The following DENND1A variants were observed in gnomAD, a reference collection of about 807,000 sequenced individuals.
The protein encoded by DENND1A is DENN domain-containing protein 1A.
A neutral mutation model predicts 113.7 loss-of-function variants in DENND1A; 51 were observed. The observed-to-expected ratio is 0.45, with a 90% CI of 0.36 to 0.57. DENND1A has a LOEUF of 0.57. Ranked by LOEUF, DENND1A falls within the 20% of genes least tolerant of loss-of-function variation. The pLI, the probability that DENND1A is intolerant of heterozygous loss-of-function variation, is 0.00. For missense variants in DENND1A, 1,258 were observed against 1,395.9 expected (o/e 0.90, Z 1.57); for synonymous variants, 565 against 570.8 (o/e 0.99, Z 0.14).
chr9:123,594,029 C>G (rs901174581), intron 11 of DENND1A, among the ~76,000 whole-genome samples: 3 of 152,186 alleles, frequency 2.0e-5, no homozygotes, highest in Non-Finnish European at 2.9e-5. Context: ...TGCAAGTTTC[C>G]TGGGGCCTCC....
At chr9:123,697,403 C>T (rs978794675) in intron 5 of DENND1A, among the ~76,000 whole-genome samples, 7 of 152,080 alleles carry the variant, frequency 4.6e-5, no homozygotes, top group Non-Finnish European at 8.8e-5. Flanking sequence ...TTTTATTTTT[C>T]CATAAGTTAT....
intron 13 of DENND1A, among the ~76,000 whole-genome samples, chr9:123,540,411 G>C (rs958540752): frequency 6.6e-6 from 1 of 152,182 alleles, no homozygotes; most frequent in Non-Finnish European, 1.5e-5. Context: ...CTTTTCTTCA[G>C]TGCCTGCCAC....
intron 1 of DENND1A, among the ~76,000 whole-genome samples, chr9:123,916,140 G>A (rs894170889): frequency 6.6e-6 from 1 of 152,044 alleles, no homozygotes; most frequent in Non-Finnish European, 1.5e-5. Context: ...CTAAGTGCCC[G>A]TCAGTATGAG....
chr9:123,852,173 TTC>T (rs1171059834), intron 2 of DENND1A, among the ~76,000 whole-genome samples: 2 of 152,212 alleles, frequency 1.3e-5, no homozygotes, highest in East Asian at 3.8e-4. Context: ...AACAGTTAAC[TTC>T]TCTCTTTAGT....
chr9:123,591,623 G>C (rs2059459719), intron 11 of DENND1A, among the ~76,000 whole-genome samples: 2 of 152,208 alleles, frequency 1.3e-5, no homozygotes, highest in South Asian at 4.1e-4. Flanking sequence ...CATCTCCAGG[G>C]CAGAGCTGTG....
Position 123,433,527 on chromosome 9 carries a change from C to T in DENND1A, c.1488+6833G>A, listed in dbSNP as rs545853949. ...ACTTCACCCCACAGACTTCAGCCTG[C>T]CTCTCCTAGGAATAAAGATAAACCC... On this transcript the variant is annotated intron_variant, in intron 19 of 23. Transcript: ENST00000394215. Among the ~76,000 whole-genome samples, 4 of 152,324 alleles carry T rather than the reference C, an allele frequency of 2.6e-5. No individual in the cohort carries two copies. In the South Asian group the frequency reaches 8.3e-4, roughly 32 times the overall value.
intron 12 of DENND1A, among the ~76,000 whole-genome samples, chr9:123,567,790 T>C (rs994934427): frequency 5.9e-5 from 9 of 152,196 alleles, no homozygotes; most frequent in Non-Finnish European, 4.4e-5. Context: ...AAGATGAGCA[T>C]ATCACAGCAG....
At chr9:123,501,606 T>C (rs2052490997) in intron 13 of DENND1A, among the ~76,000 whole-genome samples, 1 of 152,330 alleles carries the variant, frequency 6.6e-6, no homozygotes, top group Non-Finnish European at 1.5e-5. Flanking sequence ...TCTGTGACGG[T>C]TAATACTGAG....
intron 1 of DENND1A, among the ~76,000 whole-genome samples, chr9:123,908,939 G>C (rs1367991935): frequency 6.6e-6 from 1 of 152,108 alleles, no homozygotes; most frequent in Non-Finnish European, 1.5e-5. Context: ...CAAAGACTTG[G>C]AACCAACCCA....
intron 8 of DENND1A, among the ~76,000 whole-genome samples, chr9:123,655,435 GAAAACCTGGCTCTGAGCCA>G: frequency 6.6e-6 from 1 of 152,136 alleles, no homozygotes; most frequent in Non-Finnish European, 1.5e-5. Context: ...TGTGACTCCA[GAAAACCTGGCTCTGAGCCA>G]GATGAAGCAA....
intron 13 of DENND1A, among the ~76,000 whole-genome samples, chr9:123,485,183 A>G (rs1217249972): frequency 1.3e-5 from 2 of 152,196 alleles, no homozygotes; most frequent in African/African-American, 4.8e-5. Flanking sequence ...TCTTGGGGAA[A>G]CATGTCTCTT....
intron 11 of DENND1A, among the ~76,000 whole-genome samples, chr9:123,600,198 A>G (rs2059881103): frequency 1.3e-5 from 2 of 152,248 alleles, no homozygotes; most frequent in South Asian, 4.1e-4. Context: ...AGGAGGGCAG[A>G]GTCAATCTTA....
At chr9:123,889,581 G>A (rs1448753481) in intron 1 of DENND1A, among the ~76,000 whole-genome samples, 1 of 152,094 alleles carries the variant, frequency 6.6e-6, no homozygotes, top group African/African-American at 2.4e-5. Flanking sequence ...AACAAGGGAT[G>A]GATTGTGCAG....
At chr9:123,737,078 T>C (rs1256332432) in intron 5 of DENND1A, among the ~76,000 whole-genome samples, 1 of 152,246 alleles carries the variant, frequency 6.6e-6, no homozygotes, top group East Asian at 1.9e-4. Flanking sequence ...GAATAGGAGT[T>C]AATCCTGCCT....
chr9:123,551,612 C>T (rs961561808), intron 13 of DENND1A, among the ~76,000 whole-genome samples: 4 of 152,146 alleles, frequency 2.6e-5, no homozygotes, highest in African/African-American at 4.8e-5. Flanking sequence ...ACTGAGAGCA[C>T]GGATGGGAAG....
chr9:123,808,781 C>T (rs1438368194), intron 2 of DENND1A, among the ~76,000 whole-genome samples: 1 of 152,172 alleles, frequency 6.6e-6, no homozygotes, highest in Non-Finnish European at 1.5e-5. Flanking sequence ...ACATCTTCAA[C>T]TCCATCCTTC....
intron 3 of DENND1A, among the ~76,000 whole-genome samples, chr9:123,782,779 C>A (rs1435149950): frequency 6.6e-6 from 1 of 152,174 alleles, no homozygotes; most frequent in African/African-American, 2.4e-5. Context: ...TTATATCACA[C>A]AATTTATGTA....
intron 13 of DENND1A, among the ~76,000 whole-genome samples, chr9:123,509,266 G>A (rs1443235999): frequency 4.6e-5 from 7 of 152,204 alleles, no homozygotes; most frequent in South Asian, 2.1e-4. Context: ...ACAAGACTTC[G>A]CAGAAGACGT....
chr9:123,582,171 G>A (rs1028524446), intron 12 of DENND1A, among the ~76,000 whole-genome samples: 1 of 152,126 alleles, frequency 6.6e-6, no homozygotes, highest in Non-Finnish European at 1.5e-5. Context: ...AAAAATGTAG[G>A]TTTGAAGTAC....
Sources: allele counts gnomAD v4.1 joint callset (sites outside exome capture counted in the v4.1 genomes callset), GRCh38; gene constraint gnomAD v4.1.1; transcripts MANE v1.5; gene names NCBI Gene and HGNC (gene_info 2026-07-23, HGNC 2026-07-21).